The following LRIG1 variants were observed in gnomAD, a reference collection of about 807,000 sequenced individuals.
The protein encoded by LRIG1 is leucine rich repeats and immunoglobulin like domains 1.
A neutral mutation model predicts 99.2 loss-of-function variants in LRIG1; 48 were observed. The observed-to-expected ratio is 0.48, with a 90% CI of 0.38 to 0.62. LRIG1 has a LOEUF of 0.62. Among genes scored for constraint, LRIG1 ranks in the 20% least tolerant of loss-of-function variants. The pLI is 0.00. For missense variants in LRIG1, 1,646 were observed against 1,434.4 expected (o/e 1.15, Z -2.38); for synonymous variants, 772 against 596.1 (o/e 1.29, Z -4.30).
At chr3:66,458,088 T>C (rs764601986) in intron 2 of LRIG1, among the ~76,000 whole-genome samples, 1 of 152,222 alleles carries the variant, frequency 6.6e-6, no homozygotes, top group Non-Finnish European at 1.5e-5. Flanking sequence ...AAGTATCTGT[T>C]TCCTCTTCTG....
intron 12 of LRIG1, chr3:66,387,528 GGA>G (rs1701435119): frequency 6.6e-6 from 1 of 152,122 alleles, no homozygotes; most frequent in African/African-American, 2.4e-5. Context: ...CCTTTGTCCA[GGA>G]AAAGTCACTA....
intron 3 of LRIG1, among the ~76,000 whole-genome samples, chr3:66,440,974 T>C (rs1402174215): frequency 6.6e-6 from 1 of 152,152 alleles, no homozygotes; most frequent in Non-Finnish European, 1.5e-5. Context: ...TGAATCAGCG[T>C]AAGGTGAAGA....
At chr3:66,475,877 C>T (rs1034060162) in intron 1 of LRIG1, among the ~76,000 whole-genome samples, 8 of 152,172 alleles carry the variant, frequency 5.3e-5, no homozygotes, top group Non-Finnish European at 1.2e-4. Context: ...TGGGTATTCA[C>T]GATGGTATAA....
At chr3:66,430,306 C>T (rs1263149474) in intron 3 of LRIG1, among the ~76,000 whole-genome samples, 2 of 152,172 alleles carry the variant, frequency 1.3e-5, no homozygotes, top group Non-Finnish European at 2.9e-5. Context: ...GCTGACAGAC[C>T]TATTTAAAAG....
intron 8 of LRIG1, among the ~76,000 whole-genome samples, 185 bp from the exon 9 acceptor site, chr3:66,405,463 C>T (rs3796149): frequency 0.21 from 32,622 of 152,074 alleles, 3,710 homozygotes; most frequent in Admixed American, 0.28. Context: ...GCCTTCCAAC[C>T]AAGATGACAC....
chr3:66,426,594 C>T (rs762412534), intron 3 of LRIG1, among the ~76,000 whole-genome samples: 2 of 152,206 alleles, frequency 1.3e-5, no homozygotes, highest in African/African-American at 2.4e-5. Context: ...TAATCACAGT[C>T]TTTTCTGCCA....
chr3:66,383,914 C>G (rs1701232112), intron 14 of LRIG1, 77 bp downstream of exon 14: 2 of 1,545,810 alleles, frequency 1.3e-6, no homozygotes, highest in South Asian at 2.5e-5. Context: ...CCACCCCTGG[C>G]CACACAGAGC....
intron 3 of LRIG1, 127 bp downstream of exon 3, chr3:66,451,432 A>G: frequency 4.2e-6 from 3 of 718,982 alleles, no homozygotes; most frequent in South Asian, 3.7e-5. Context: ...TGAGGGCCAC[A>G]TGAAGAAAGG....
intron 4 of LRIG1, among the ~76,000 whole-genome samples, chr3:66,415,328 G>C (rs1426937223): frequency 6.6e-6 from 1 of 152,142 alleles, no homozygotes; most frequent in African/African-American, 2.4e-5. Flanking sequence ...CACCCCAAGA[G>C]GGTGGGAGTG....
Position 66,380,292 on chromosome 3 carries a change from C to T in LRIG1, c.3253G>A (p.Val1085Met). Reference sequence around the variant, plus strand: ...CTTTTTGGTGCCAACAGCAGTGGCACCCTCTGTTTCCCGGGGAGCTGTCCT... The same window carrying T: ...CTTTTTGGTGCCAACAGCAGTGGCATCCTCTGTTTCCCGGGGAGCTGTCCT... Reference protein sequence around the residue: ...LTGQLPGKQRVPLLLAPKS With the variant: ...LTGQLPGKQRMPLLLAPKS The change falls in exon 19 of 19, where the codon GTG becomes ATG. Residue 1085 changes from valine (V) to methionine (M), a missense_variant. Transcript: ENST00000273261. 6.2e-7 allele frequency: 1 copy of T among 1,613,608 alleles called. No homozygotes were observed.
chr3:66,421,235 T>C (rs148199639), intron 3 of LRIG1, among the ~76,000 whole-genome samples: 7,510 of 152,136 alleles, frequency 0.049, 551 homozygotes, highest in African/African-American at 0.16. Context: ...TCAAAACCAA[T>C]CATGCCTTCC....
chr3:66,448,523 A>G (rs1703797466), intron 3 of LRIG1, among the ~76,000 whole-genome samples: 1 of 150,730 alleles, frequency 6.6e-6, no homozygotes, highest in African/African-American at 2.4e-5. Flanking sequence ...CGGGTCACAA[A>G]GAGAATACAC....
intron 3 of LRIG1, among the ~76,000 whole-genome samples, chr3:66,437,950 G>C (rs1703413076): frequency 6.6e-6 from 1 of 152,198 alleles, no homozygotes; most frequent in African/African-American, 2.4e-5. Context: ...GGAAGAAATG[G>C]AGCCAGGGCC....
intron 17 of LRIG1, 38 bp from the exon 18 acceptor site, chr3:66,380,899 T>C (rs1188488064): frequency 1.2e-6 from 2 of 1,600,136 alleles, no homozygotes; most frequent in Non-Finnish European, 1.7e-6. Context: ...GAGTCACTGC[T>C]GTGGGAGTCT....
chr3:66,409,789 C>G, intron 7 of LRIG1: 1 of 219,352 alleles, frequency 4.6e-6, no homozygotes, highest in Non-Finnish European at 9.1e-6. Flanking sequence ...CCTGTGAGCA[C>G]TCTGCCATAG....
intron 3 of LRIG1, among the ~76,000 whole-genome samples, chr3:66,450,240 G>A (rs910576507): frequency 5.9e-5 from 9 of 152,006 alleles, no homozygotes; most frequent in African/African-American, 1.5e-4. Context: ...TAAATCCTGC[G>A]GCCTTAAAGG....
chr3:66,472,305 A>G (rs6785448), intron 1 of LRIG1, among the ~76,000 whole-genome samples: 97 of 6,222 alleles, frequency 0.016, no homozygotes, highest in African/African-American at 0.022. Flanking sequence ...CTCTGTCTCA[A>G]AAAAAAAAAA....
At chr3:66,446,403 C>CCT (rs1703726000) in intron 3 of LRIG1, among the ~76,000 whole-genome samples, 3 of 129,190 alleles carry the variant, frequency 2.3e-5, no homozygotes, top group African/African-American at 5.8e-5. Context: ...GCCCACCCGC[C>CCT]TTTTTTTTTT....
chr3:66,416,286 T>C (rs1575673850), intron 4 of LRIG1, among the ~76,000 whole-genome samples: 4 of 152,240 alleles, frequency 2.6e-5, no homozygotes, highest in Admixed American at 2.6e-4. Flanking sequence ...AAGAAAGAAA[T>C]CACTCTTCTT....
Sources: allele counts gnomAD v4.1 joint callset (sites outside exome capture counted in the v4.1 genomes callset), GRCh38; gene constraint gnomAD v4.1.1; transcripts MANE v1.5; gene names NCBI Gene and HGNC (gene_info 2026-07-23, HGNC 2026-07-21).